NRXN1: variants seen among roughly 807,000 people sequenced by gnomAD.
NRXN1 encodes neurexin 1.
NRXN1 carries 39 observed loss-of-function variants against 150.9 expected under a neutral mutation model. That is an observed-to-expected ratio of 0.26 (90% CI 0.20 to 0.34). The LOEUF (loss-of-function observed/expected upper bound fraction) is 0.34, where lower values mean the gene tolerates loss of function less well. Ranked by LOEUF, NRXN1 falls within the 10% of genes least tolerant of loss-of-function variation. NRXN1 has a pLI of 1.00. For missense variants in NRXN1, 1,815 were observed against 1,949.9 expected (o/e 0.93, Z 1.30); for synonymous variants, 924 against 757.0 (o/e 1.22, Z -3.62).
chr2:50,484,847 A>T (rs2090749859), intron 15 of NRXN1, among the ~76,000 whole-genome samples: 1 of 151,958 alleles, frequency 6.6e-6, no homozygotes. Context: ...ATGTAGTAGA[A>T]AAGTAGAAGC....
chr2:50,350,907 G>C (rs185260331), intron 17 of NRXN1, among the ~76,000 whole-genome samples: 1 of 152,262 alleles, frequency 6.6e-6, no homozygotes, highest in East Asian at 1.9e-4. Context: ...CAGATGTCTA[G>C]GGCACCTTTG....
intron 18 of NRXN1, among the ~76,000 whole-genome samples, chr2:50,117,340 G>A (rs1287044177): frequency 6.6e-6 from 1 of 152,076 alleles, no homozygotes; most frequent in Admixed American, 6.6e-5. Context: ...ATGTTCCCAT[G>A]AAGATTATTT....
intron 18 of NRXN1, among the ~76,000 whole-genome samples, chr2:50,127,524 T>C (rs1704783133): frequency 6.6e-6 from 1 of 152,152 alleles, no homozygotes; most frequent in Admixed American, 6.5e-5. Flanking sequence ...TTACCAATAC[T>C]TTCTCATCCT....
chr2:50,991,964 G>T (rs1698604091), intron 2 of NRXN1, among the ~76,000 whole-genome samples: 1 of 151,940 alleles, frequency 6.6e-6, no homozygotes, highest in South Asian at 2.1e-4. Context: ...AGCTATAAAA[G>T]AAAGGTCTGG....
At chr2:50,167,598 A>G (rs1014209568) in intron 18 of NRXN1, among the ~76,000 whole-genome samples, 2 of 152,014 alleles carry the variant, frequency 1.3e-5, no homozygotes, top group African/African-American at 4.8e-5. Flanking sequence ...CCAATTCATG[A>G]GGAAAAAGAA....
At chr2:50,252,017 T>C (rs1356789913) in intron 17 of NRXN1, among the ~76,000 whole-genome samples, 1 of 152,070 alleles carries the variant, frequency 6.6e-6, no homozygotes, top group Non-Finnish European at 1.5e-5. Context: ...TCTTTTGCTG[T>C]GCAGAAGCTC....
chr2:50,913,239 G>A (rs1375284766), intron 5 of NRXN1, among the ~76,000 whole-genome samples: 3 of 151,768 alleles, frequency 2.0e-5, no homozygotes, highest in Non-Finnish European at 2.9e-5. Flanking sequence ...TTTGCTACTA[G>A]CAATCTATGA....
At chr2:49,989,412 ATTCATC>A (rs1359839722) in intron 21 of NRXN1, among the ~76,000 whole-genome samples, 1 of 152,212 alleles carries the variant, frequency 6.6e-6, no homozygotes, top group Non-Finnish European at 1.5e-5. Context: ...CTCTAAGTGA[ATTCATC>A]TTCTATTTGA....
At chr2:50,198,171 T>C (rs765886684) in intron 18 of NRXN1, among the ~76,000 whole-genome samples, 1 of 152,152 alleles carries the variant, frequency 6.6e-6, no homozygotes, top group African/African-American at 2.4e-5. Flanking sequence ...TTATCTTTCC[T>C]GGGGATTTTA....
chr2:50,390,960 C>G (rs898187474), intron 17 of NRXN1, among the ~76,000 whole-genome samples: 2 of 152,026 alleles, frequency 1.3e-5, no homozygotes, highest in African/African-American at 4.8e-5. Context: ...CCTAGAAGAG[C>G]AGGAATTTTA....
intron 22 of NRXN1, chr2:49,926,152 T>C: frequency 2.6e-6 from 1 of 390,622 alleles, no homozygotes; most frequent in Admixed American, 4.4e-5. Context: ...ATGATTATTC[T>C]AGCAAGGAAA....
intron 19 of NRXN1, among the ~76,000 whole-genome samples, chr2:50,068,259 T>G (rs1002987387): frequency 1.3e-5 from 2 of 152,054 alleles, no homozygotes; most frequent in African/African-American, 2.4e-5. Flanking sequence ...GGACCAAGAG[T>G]TGGATAAAGG....
intron 11 of NRXN1, 66 bp downstream of exon 11, chr2:50,531,161 T>A: frequency 8.3e-7 from 1 of 1,205,162 alleles, no homozygotes; most frequent in Non-Finnish European, 1.1e-6. Context: ...ACTTGATCAA[T>A]GTTTGCAGGC....
At chr2:50,944,873 A>G (rs1427022307) in intron 2 of NRXN1, among the ~76,000 whole-genome samples, 1 of 152,248 alleles carries the variant, frequency 6.6e-6, no homozygotes, top group African/African-American at 2.4e-5. Flanking sequence ...TAATTAATGC[A>G]TAGGAATGCA....
intron 2 of NRXN1, among the ~76,000 whole-genome samples, chr2:50,945,040 C>G (rs886213158): frequency 6.6e-6 from 1 of 152,130 alleles, no homozygotes; most frequent in African/African-American, 2.4e-5. Flanking sequence ...CTACTTCAGA[C>G]CATGATCTAG....
intron 16 of NRXN1, among the ~76,000 whole-genome samples, chr2:50,470,027 G>A (rs1405964037): frequency 6.6e-6 from 1 of 151,230 alleles, no homozygotes; most frequent in East Asian, 1.9e-4. Flanking sequence ...CAGTGGTGGG[G>A]GTCCTGTGTG....
At chr2:50,225,207 G>C (rs944669829) in intron 18 of NRXN1, among the ~76,000 whole-genome samples, 1 of 151,884 alleles carries the variant, frequency 6.6e-6, no homozygotes, top group African/African-American at 2.4e-5. Flanking sequence ...AGCACTTCTG[G>C]AGTGAGCGCC....
chr2:50,102,705 T>C (rs1701134657), intron 18 of NRXN1, among the ~76,000 whole-genome samples: 1 of 151,990 alleles, frequency 6.6e-6, no homozygotes, highest in African/African-American at 2.4e-5. Context: ...AAGCTGAAGA[T>C]GAGAAGAAAT....
At chr2:50,994,790 GAAC>G (rs781558216) in intron 2 of NRXN1, among the ~76,000 whole-genome samples, 13 of 151,810 alleles carry the variant, frequency 8.6e-5, no homozygotes, top group Non-Finnish European at 1.3e-4. Context: ...TTATATACAA[GAAC>G]AACAACTGCA....
Sources: allele counts gnomAD v4.1 joint callset (sites outside exome capture counted in the v4.1 genomes callset), GRCh38; gene constraint gnomAD v4.1.1; transcripts MANE v1.5; gene names NCBI Gene and HGNC (gene_info 2026-07-23, HGNC 2026-07-21).